ADCY7: variants seen among roughly 807,000 people sequenced by gnomAD.
ADCY7 encodes adenylate cyclase type 7.
Under a neutral mutation model 120.6 loss-of-function variants are expected in ADCY7, and 72 were observed. The observed-to-expected ratio is 0.60, with a 90% CI of 0.49 to 0.73. The LOEUF is 0.73. Among genes scored for constraint, ADCY7 ranks in the 30% least tolerant of loss-of-function variants. ADCY7 has a pLI of 0.00. For missense variants in ADCY7, 1,227 were observed against 1,486.0 expected (o/e 0.83, Z 2.87); for synonymous variants, 661 against 628.0 (o/e 1.05, Z -0.78).
rs566885441 is a variant in ADCY7 at position 50,313,905 on chromosome 16, C to T, written c.2752-53C>T. ...ACCCTTCCTGAGAAGCAGGGGCAGC[C>T]TGGCTGCGGCTATGGAGTGGCGGCT... On this transcript the variant is annotated intron_variant, in intron 22 of 25. Transcript: ENST00000673801. 6.0e-6 allele frequency: 9 copies of T among 1,505,740 alleles called. No individual in the cohort carries two copies. The African/African-American group carries it at 1.1e-4, about 18-fold the overall frequency. 93.3% of individuals were successfully genotyped at this position (1,505,740 alleles called of 1,614,324 possible). A position where few individuals can be genotyped will look rare whatever the true frequency, so the allele number is the denominator to read the frequency against.
At chr16:50,268,863 C>T (rs140211360) in intron 1 of ADCY7, among the ~76,000 whole-genome samples, 53 of 152,220 alleles carry the variant, frequency 3.5e-4, no homozygotes, top group Non-Finnish European at 7.2e-4. Context: ...ATGGCGAAAC[C>T]CCGTCTCTAC....
At chr16:50,312,562 G>C (rs945256407) in intron 21 of ADCY7, among the ~76,000 whole-genome samples, 2 of 152,182 alleles carry the variant, frequency 1.3e-5, no homozygotes, top group African/African-American at 4.8e-5. Flanking sequence ...TGTGTAGCAA[G>C]TTTTCTAGAT....
At chr16:50,304,274 C>A in intron 10 of ADCY7, 86 bp from the exon 11 acceptor site, 2 of 1,286,738 alleles carry the variant, frequency 1.6e-6, no homozygotes, top group Non-Finnish European at 2.0e-6. Context: ...CGTCACACTT[C>A]AGGGAGAGCT....
chr16:50,261,612 C>T (rs536403848), upstream of ADCY7, among the ~76,000 whole-genome samples: 13 of 152,294 alleles, frequency 8.5e-5, no homozygotes, highest in East Asian at 5.8e-4. Flanking sequence ...CCACCATGTG[C>T]CTTGTCGGCA....
chr16:50,315,298 T>G, intron 25 of ADCY7, 61 bp from the exon 26 acceptor site: 1 of 1,582,486 alleles, frequency 6.3e-7, no homozygotes, highest in African/African-American at 1.3e-5. Flanking sequence ...TCTCTATCTG[T>G]CCCTACCATG....
rs111333018 is a variant in ADCY7, at chr16:50,271,626, C to T, written c.-269+4946C>T. On this transcript the variant is annotated intron_variant, in intron 1 of 25. Coordinates refer to ENST00000673801, the MANE Select transcript of ADCY7 (RefSeq NM_001114.5). ...CGGGCCTGACTTCCCTCCCCACTCCCGCCACTTGTCACCGTTATCCACTCT... is the reference window on the plus strand; with the variant it reads ...CGGGCCTGACTTCCCTCCCCACTCCTGCCACTTGTCACCGTTATCCACTCT... 4.1e-3 allele frequency among the ~76,000 whole-genome samples: 618 copies of T among 152,306 alleles called. 6 individuals are homozygous for T. Among genetic ancestry groups the T allele is most frequent in the African/African-American group, 0.014 (582 of 41,564 alleles).
chr16:50,304,904 C>G, intron 11 of ADCY7, 21 bp from the exon 12 acceptor site: 2 of 1,613,772 alleles, frequency 1.2e-6, no homozygotes, highest in Non-Finnish European at 1.7e-6. Context: ...TGACTGTATC[C>G]TTTCCTCCCT....
chr16:50,288,138 TCCTTAACGGCC>T lies in ADCY7; in HGVS notation c.-33_-23del, dbSNP rs1347362241. The T allele has an allele frequency of 1.3e-6, 2 of 1,510,942 alleles. No individual in the cohort carries two copies. Among genetic ancestry groups the T allele is most frequent in the African/African-American group, 2.8e-5 (2 of 72,184 alleles). 93.6% of individuals were successfully genotyped at this position (1,510,942 alleles called of 1,614,324 possible). On this transcript the variant is annotated 5_prime_UTR_variant, in exon 2 of 26. Transcript: ENST00000673801. Reference sequence around the variant, plus strand: ...CAGATGCCCTCCAGGCCCTGGGGCCTCCTTAACGGCCCCTTAACGACACGCGTGCCAAGGGT... The same window carrying T: ...CAGATGCCCTCCAGGCCCTGGGGCCTCCTTAACGACACGCGTGCCAAGGGT...
At chr16:50,308,458 G>T in intron 16 of ADCY7, 47 bp downstream of exon 16, 1 of 1,611,400 alleles carries the variant, frequency 6.2e-7, no homozygotes, top group Non-Finnish European at 8.5e-7. Flanking sequence ...CCTGCCTCAG[G>T]ACACCTGCCT....
intron 1 of ADCY7, among the ~76,000 whole-genome samples, chr16:50,272,233 T>G (rs1188394086): frequency 6.6e-6 from 1 of 152,094 alleles, no homozygotes; most frequent in East Asian, 1.9e-4. Context: ...CAGTGGGTGA[T>G]GCCACCACCC....
intron 1 of ADCY7, among the ~76,000 whole-genome samples, chr16:50,269,157 C>A (rs975810535): frequency 6.6e-6 from 1 of 152,248 alleles, no homozygotes; most frequent in Non-Finnish European, 1.5e-5. Context: ...CCTCCTCCAC[C>A]GCTCCATATG....
At chr16:50,251,297 G>A (rs952321221) in intron 1 of ADCY7, among the ~76,000 whole-genome samples, 13 of 152,106 alleles carry the variant, frequency 8.5e-5, no homozygotes, top group African/African-American at 2.9e-4. Context: ...GTGGTGTGAT[G>A]AAATGACATT....
In ADCY7 at chr16:50,272,648, G is replaced by A. The variant is rs184412302; in HGVS notation, c.-269+5968G>A. Among the ~76,000 whole-genome samples the A allele has an allele frequency of 2.6e-5, 4 of 152,298 alleles. No individual in the cohort carries two copies. In the East Asian group the frequency reaches 7.7e-4, roughly 29 times the overall value. On this transcript the variant is annotated intron_variant, in intron 1 of 25. Transcript: ENST00000673801. ...CTCATGGGAGGGATGTGGACTGGGG[G>A]CCAGTCTTGTGGGCTTGTCTTGGTC...
In ADCY7 at chr16:50,309,639, C is replaced by A; in HGVS notation, c.2153C>A (p.Pro718His). The A allele has an allele frequency of 6.2e-7, 1 of 1,609,820 alleles. No individual in the cohort carries two copies. Among genetic ancestry groups the A allele is most frequent in the Non-Finnish European group, 8.5e-7 (1 of 1,179,976 alleles). ...AGCAAGACAAGAGCCCTGTGTGAGC[C>A]CCTCCCGGTGAGTGCGCCGGGCCCG... ...ASSKTRALCE[P>H]LPYYTCSCVL... The change falls in exon 18 of 26, where the codon CCC becomes CAC. Residue 718 changes from proline (P) to histidine (H), a missense_variant. By Grantham distance (77) the Pro-to-His change is moderately conservative. Coordinates refer to ENST00000673801, the MANE Select transcript of ADCY7 (RefSeq NM_001114.5).
chr16:50,301,012 C>T (rs1044179050), intron 9 of ADCY7, 70 bp from the exon 10 acceptor site: 73 of 1,575,754 alleles, frequency 4.6e-5, no homozygotes, highest in Non-Finnish European at 6.0e-5. Flanking sequence ...GGCCTGCCTG[C>T]TGTGCATCCC....
chr16:50,248,533 G>T (rs1232858372), intron 1 of ADCY7, among the ~76,000 whole-genome samples: 1 of 152,230 alleles, frequency 6.6e-6, no homozygotes, highest in Non-Finnish European at 1.5e-5. Flanking sequence ...CGCATTGAAG[G>T]GTAGGCAGGG....
intron 1 of ADCY7, among the ~76,000 whole-genome samples, chr16:50,275,890 G>A (rs4785399): frequency 1 from 151,857 of 152,282 alleles, 75,717 homozygotes; most frequent in Middle Eastern, 1. Context: ...GAGCACCCCC[G>A]CCCACCACCC....
chr16:50,262,135 C>G (rs1243646317), upstream of ADCY7, among the ~76,000 whole-genome samples: 1 of 152,154 alleles, frequency 6.6e-6, no homozygotes, highest in Non-Finnish European at 1.5e-5. Context: ...CAGTTTGAGT[C>G]TCTCCTACTG....
rs577534619 is a variant in ADCY7 at position 50,311,015 on chromosome 16, C to T, written c.2354+135C>T. The T allele has an allele frequency of 1.5e-4, 139 of 904,286 alleles. 1 individual carries two copies. The South Asian group carries it at 1.9e-3, about 12-fold the overall frequency. 56.0% of individuals were successfully genotyped at this position (904,286 alleles called of 1,614,324 possible). On this transcript the variant is annotated intron_variant, in intron 19 of 25. Transcript: ENST00000673801. ...GGCGGGGCTGGCAGATGGTGTCCAG[C>T]GCTCAGAGCCGAGGAATTCACTGGC...
Sources: gnomAD v4.1 joint callset for allele counts (sites outside exome capture counted in the v4.1 genomes callset) on GRCh38, gnomAD v4.1.1 for gene constraint, MANE v1.5 for transcripts, NCBI Gene and HGNC (gene_info 2026-07-23, HGNC 2026-07-21) for gene names.